Variants in ZNF730 observed in about 807,000 individuals in gnomAD.
ZNF730 encodes the protein zinc finger protein 730.
A neutral mutation model predicts 12.6 loss-of-function variants in ZNF730; 12 were observed. That is an observed-to-expected ratio of 0.95 (90% CI 0.61 to 1.54). ZNF730 has a LOEUF of 1.54. Ranked by LOEUF, ZNF730 falls within the 40% of genes most tolerant of loss-of-function variation. The probability of loss-of-function intolerance (pLI) is 0.00; values close to 1 mark genes in which losing one functional copy is unlikely to be tolerated. For synonymous variants in ZNF730, 194 were observed against 195.8 expected (o/e 0.99, Z 0.08); for missense variants, 643 against 583.5 (o/e 1.10, Z -1.05).
intron 1 of ZNF730, among the ~76,000 whole-genome samples, chr19:23,097,542 C>G (rs1226710059): frequency 6.6e-6 from 1 of 152,086 alleles, no homozygotes; most frequent in African/African-American, 2.4e-5. Flanking sequence ...CAGTGCCCAG[C>G]ACCAATGTAA....
chr19:23,081,455 G>A (rs1345206723), intron 1 of ZNF730, among the ~76,000 whole-genome samples: 1 of 152,154 alleles, frequency 6.6e-6, no homozygotes, highest in Non-Finnish European at 1.5e-5. Flanking sequence ...GAGTAGCTGG[G>A]ATTACAGGCG....
chr19:23,100,029 G>A (rs1970311271), intron 1 of ZNF730: 1 of 152,180 alleles, frequency 6.6e-6, no homozygotes, highest in Non-Finnish European at 1.5e-5. Context: ...TGACTCTCTT[G>A]CTTGTGTTCT....
intron 1 of ZNF730, among the ~76,000 whole-genome samples, chr19:23,079,424 C>G (rs1969926509): frequency 6.6e-6 from 1 of 152,182 alleles, no homozygotes; most frequent in Admixed American, 6.5e-5. Flanking sequence ...TCCCAGAGTG[C>G]TGGAATTACA....
At chr19:23,134,689 C>G (rs1403196193) in intron 2 of ZNF730, among the ~76,000 whole-genome samples, 2 of 144,298 alleles carry the variant, frequency 1.4e-5, no homozygotes, top group African/African-American at 2.5e-5. Context: ...AAGTGAGGAG[C>G]CCCTCTGCCC....
chr19:23,142,543 C>T (rs1970936751), intron 3 of ZNF730, among the ~76,000 whole-genome samples: 2 of 151,630 alleles, frequency 1.3e-5, no homozygotes, highest in South Asian at 4.2e-4. Context: ...CAAAAATTAG[C>T]CGGGTATGGT....
chr19:23,146,767 T>C lies in ZNF730; in HGVS notation c.*211T>C, dbSNP rs868805601. 3 of 1,068,196 alleles carry C rather than the reference T, an allele frequency of 2.8e-6. No homozygotes were observed. The Middle Eastern group carries it at 6.1e-4, about 216-fold the overall frequency. The allele number at this position is 1,068,196 out of a possible 1,614,324, so 66.2% of individuals were successfully genotyped here. ...AAAGTCTTCAACCAATCTTCACACC[T>C]TACTACACATAAGATAATTCATACT... On this transcript the variant is annotated 3_prime_UTR_variant, in exon 4 of 4. Coordinates refer to ENST00000597761, the MANE Select transcript of ZNF730 (RefSeq NM_001277403.2).
At position 23,077,770 on chromosome 19, in the gene ZNF730, T is replaced by TA. The variant is rs1969891349; in HGVS notation, c.-94+2384dup. On this transcript the variant is annotated intron_variant, in intron 1 of 2. Transcript: ENST00000593635. ...GTGGGGAAAAGAGAGATCAGACTGT[T>TA]ACTGTGTCTGTGTAGAAAGAAGTAG... Among the ~76,000 whole-genome samples, 4 of 152,210 alleles carry TA rather than the reference T, an allele frequency of 2.6e-5. No individual in the cohort carries two copies. The East Asian group carries it at 5.8e-4, about 22-fold the overall frequency.
At chr19:23,144,746 G>C (rs1055629128) in intron 3 of ZNF730, among the ~76,000 whole-genome samples, 4 of 143,924 alleles carry the variant, frequency 2.8e-5, no homozygotes, top group Non-Finnish European at 4.5e-5. Context: ...TTTGTTCTCT[G>C]TCTGTGATAC....
Position 23,146,727 on chromosome 19 carries a change from T to A in ZNF730, c.*171T>A. ...TTCATACTGGAGAAAAACCTACAAA[T>A]GTGAAGAATGTGGCAAAGTCTTCAA... On this transcript the variant is annotated 3_prime_UTR_variant, in exon 4 of 4. Coordinates refer to ENST00000597761, the MANE Select transcript of ZNF730 (RefSeq NM_001277403.2). The A allele has an allele frequency of 7.5e-7, 1 of 1,336,028 alleles. No individual in the cohort carries two copies. 82.8% of individuals were successfully genotyped at this position (1,336,028 alleles called of 1,614,324 possible).
chr19:23,076,174 C>G (rs185485667), intron 1 of ZNF730, among the ~76,000 whole-genome samples: 2 of 152,246 alleles, frequency 1.3e-5, no homozygotes, highest in Non-Finnish European at 2.9e-5. Flanking sequence ...GTCCAGTTTA[C>G]GACACTATCA....
In ZNF730 at chr19:23,135,980, T is replaced by A. The variant is rs768350072; in HGVS notation, c.163T>A (p.Cys55Ser). The change falls in exon 3 of 4, where the codon TGT (cysteine) becomes AGT (serine). Residue 55 changes from cysteine (C) to serine (S), a missense_variant. Physicochemically the swap from Cys to Ser is moderately radical, Grantham distance 112. Coordinates refer to ENST00000597761, the MANE Select transcript of ZNF730 (RefSeq NM_001277403.2). ...TGTCTCAAAGCCAGACCTGATCACC[T>A]GTCTGGAGCAAGAAAAAGAGCCTTG... Reference protein sequence around the residue: ...IAVSKPDLITCLEQEKEPWNL... With the variant: ...IAVSKPDLITSLEQEKEPWNL... 2.5e-6 allele frequency: 4 copies of A among 1,609,506 alleles called. No individual in the cohort carries two copies. Among genetic ancestry groups the A allele is most frequent in the Non-Finnish European group, 3.4e-6 (4 of 1,177,896 alleles).
intron 1 of ZNF730, among the ~76,000 whole-genome samples, chr19:23,093,561 C>G (rs944886817): frequency 1.3e-5 from 2 of 152,132 alleles, no homozygotes; most frequent in African/African-American, 4.8e-5. Context: ...GGGGTGGTGG[C>G]AGCTTGATCC....
chr19:23,083,413 G>T (rs1216129083), intron 1 of ZNF730, among the ~76,000 whole-genome samples: 1 of 152,110 alleles, frequency 6.6e-6, no homozygotes, highest in Non-Finnish European at 1.5e-5. Context: ...GACACAGCGA[G>T]ACTCCATCTC....
chr19:23,112,751 C>A (rs1169011637), upstream of ZNF730, among the ~76,000 whole-genome samples: 3 of 146,962 alleles, frequency 2.0e-5, no homozygotes, highest in Non-Finnish European at 4.5e-5. Context: ...AAAAAAAAAA[C>A]TGGAAGGCCA....
At position 23,104,365 on chromosome 19, in the gene ZNF730, C is replaced by G. The variant is rs796235595; in HGVS notation, c.-94+28978C>G. On this transcript the variant is annotated intron_variant, in intron 1 of 2. Transcript: ENST00000593635. ...AGCTAAAATGTTCACAAATATCAAG[C>G]AAAACAAGAGTTAAGTAAATGGACT... 3.9e-4 allele frequency among the ~76,000 whole-genome samples: 58 copies of G among 149,564 alleles called. 1 individual carries two copies. The highest frequency in any genetic ancestry group is 1.3e-3 in the African/African-American group (55 of 40,764).
At chr19:23,133,270 A>G (rs1014115240) in intron 1 of ZNF730, among the ~76,000 whole-genome samples, 1 of 152,160 alleles carries the variant, frequency 6.6e-6, no homozygotes, top group African/African-American at 2.4e-5. Flanking sequence ...CAGTTACTCC[A>G]TATTTGACAA....
chr19:23,107,469 A>AAAAAAAAAC, intron 1 of ZNF730, among the ~76,000 whole-genome samples: 2 of 149,114 alleles, frequency 1.3e-5, no homozygotes, highest in African/African-American at 5.0e-5. Flanking sequence ...AAAAAAAAAA[A>AAAAAAAAAC]AAAAAACCAC....
chr19:23,078,644 C>T (rs972490700), intron 1 of ZNF730, among the ~76,000 whole-genome samples: 2 of 152,066 alleles, frequency 1.3e-5, no homozygotes, highest in African/African-American at 2.4e-5. Context: ...ACATGCTGAG[C>T]GCCGCCCCTG....
intron 2 of ZNF730, among the ~76,000 whole-genome samples, chr19:23,134,483 A>G (rs1568315396): frequency 7.0e-6 from 1 of 143,688 alleles, no homozygotes; most frequent in Non-Finnish European, 1.5e-5. Flanking sequence ...TGGGGGGGCC[A>G]GCCCCCCGCC....
Sources: allele counts gnomAD v4.1 joint callset (sites outside exome capture counted in the v4.1 genomes callset), GRCh38; gene constraint gnomAD v4.1.1; transcripts MANE v1.5; gene names NCBI Gene and HGNC (gene_info 2026-07-23, HGNC 2026-07-21).